The following TSHZ2 variants were observed in gnomAD, a reference collection of about 807,000 sequenced individuals.
TSHZ2 encodes the protein teashirt homolog 2.
TSHZ2 carries 21 observed loss-of-function variants against 74.4 expected under a neutral mutation model. The ratio of observed to expected loss-of-function variants is 0.28; its 90% CI spans 0.20 to 0.41. The LOEUF is 0.41. Among genes scored for constraint, TSHZ2 ranks in the 10% least tolerant of loss-of-function variants. The pLI, the probability that TSHZ2 is intolerant of heterozygous loss-of-function variation, is 1.00. For synonymous variants in TSHZ2, 540 were observed against 515.3 expected, an observed-to-expected ratio of 1.05 and a Z score of -0.65; for missense variants, 1,244 against 1,293.5, an observed-to-expected ratio of 0.96 and a Z score of 0.59.
At chr20:53,466,941 T>C (rs1218842477) in intron 2 of TSHZ2, among the ~76,000 whole-genome samples, 4 of 152,232 alleles carry the variant, frequency 2.6e-5, no homozygotes, top group Admixed American at 6.5e-5. Flanking sequence ...TAAATACTGG[T>C]TAGAGAACAG....
intron 2 of TSHZ2, among the ~76,000 whole-genome samples, chr20:53,348,610 A>G (rs1175248026): frequency 6.6e-6 from 1 of 152,136 alleles, no homozygotes; most frequent in African/African-American, 2.4e-5. Context: ...GAAATTTTGG[A>G]GGCGGGGAGG....
intron 2 of TSHZ2, among the ~76,000 whole-genome samples, chr20:53,385,578 C>T (rs1157248004): frequency 6.6e-6 from 1 of 152,152 alleles, no homozygotes; most frequent in Non-Finnish European, 1.5e-5. Flanking sequence ...CCTCATAATT[C>T]TTCCTTAAGA....
At chr20:52,980,721 A>G (rs1981532504) in intron 1 of TSHZ2, among the ~76,000 whole-genome samples, 1 of 152,230 alleles carries the variant, frequency 6.6e-6, no homozygotes, top group African/African-American at 2.4e-5. Context: ...AACTTCCGTA[A>G]TGCTTTACTG....
intron 2 of TSHZ2, among the ~76,000 whole-genome samples, chr20:53,277,362 T>C (rs1990967868): frequency 1.3e-5 from 2 of 152,134 alleles, no homozygotes; most frequent in Admixed American, 1.3e-4. Context: ...ACAAGAAATG[T>C]GGCTTCTCTG....
intron 1 of TSHZ2, among the ~76,000 whole-genome samples, chr20:53,176,542 T>C (rs1316116392): frequency 6.6e-6 from 1 of 152,176 alleles, no homozygotes; most frequent in Non-Finnish European, 1.5e-5. Flanking sequence ...ACAGCATTGA[T>C]TACTGGAGTT....
chr20:53,264,916 G>A (rs1038318982), intron 2 of TSHZ2, among the ~76,000 whole-genome samples: 3 of 152,288 alleles, frequency 2.0e-5, no homozygotes, highest in Admixed American at 6.5e-5. Flanking sequence ...CTCAGGGAAG[G>A]CCTCATTGGG....
intron 2 of TSHZ2, among the ~76,000 whole-genome samples, chr20:53,360,438 C>A (rs1481573152): frequency 2.0e-5 from 3 of 152,208 alleles, no homozygotes; most frequent in African/African-American, 7.2e-5. Flanking sequence ...CGAGCTTCTA[C>A]TCCATATGAA....
At position 53,251,308 on chromosome 20, in the gene TSHZ2, T is replaced by C. The variant is rs76145048; in HGVS notation, c.41-2191T>C. Among the ~76,000 whole-genome samples the C allele has an allele frequency of 6.8e-3, 1,041 of 152,364 alleles. 16 individuals carry two copies. Among genetic ancestry groups the C allele is most frequent in the African/African-American group, 0.024 (992 of 41,592 alleles). On this transcript the variant is annotated intron_variant, in intron 1 of 2. Transcript: ENST00000371497. ...TGATGAAATTTGTCTGATTCTCTGA[T>C]GTATGTTACTTGGCTCAGTAACAAC...
chr20:53,260,567 G>A (rs184584673), intron 2 of TSHZ2, among the ~76,000 whole-genome samples: 3 of 152,274 alleles, frequency 2.0e-5, no homozygotes, highest in Admixed American at 1.3e-4. Context: ...GGGGGAAGCC[G>A]GGATGGGGAA....
intron 2 of TSHZ2, among the ~76,000 whole-genome samples, chr20:53,347,989 T>TC (rs778240352): frequency 5.9e-5 from 9 of 152,084 alleles, no homozygotes; most frequent in Non-Finnish European, 8.8e-5. Flanking sequence ...CTTTCCCTCC[T>TC]CCCAGCCCCT....
intron 2 of TSHZ2, among the ~76,000 whole-genome samples, chr20:53,355,963 C>T (rs1487639741): frequency 2.0e-5 from 3 of 152,120 alleles, no homozygotes; most frequent in Non-Finnish European, 4.4e-5. Context: ...GCATGCATAA[C>T]AAACTAGTGG....
chr20:53,055,350 G>GA (rs1984605354), intron 1 of TSHZ2, among the ~76,000 whole-genome samples: 3 of 152,194 alleles, frequency 2.0e-5, no homozygotes, highest in African/African-American at 7.2e-5. Flanking sequence ...AGAGTTAGGA[G>GA]ACAGGACTGG....
At chr20:53,007,135 TC>T (rs1391943752) in intron 1 of TSHZ2, among the ~76,000 whole-genome samples, 2 of 152,160 alleles carry the variant, frequency 1.3e-5, no homozygotes, top group African/African-American at 4.8e-5. Context: ...AAGAAAGGCT[TC>T]CCTGAGGAGG....
At chr20:53,235,168 G>A (rs1167838172) in intron 1 of TSHZ2, among the ~76,000 whole-genome samples, 1 of 150,356 alleles carries the variant, frequency 6.7e-6, no homozygotes, top group East Asian at 2.0e-4. Flanking sequence ...GGGCGTGTTT[G>A]TTTGTTTGTT....
intron 1 of TSHZ2, among the ~76,000 whole-genome samples, chr20:53,035,888 C>G (rs1253082318): frequency 1.3e-5 from 2 of 152,116 alleles, no homozygotes; most frequent in Admixed American, 6.5e-5. Context: ...GATAGATATT[C>G]CTGACTGAAG....
intron 2 of TSHZ2, among the ~76,000 whole-genome samples, chr20:53,271,726 G>C (rs959087468): frequency 6.6e-6 from 1 of 152,244 alleles, no homozygotes; most frequent in South Asian, 2.1e-4. Flanking sequence ...GGAACGGCAA[G>C]AGTAAAGTCT....
chr20:53,024,069 G>A (rs1479345890), intron 1 of TSHZ2, among the ~76,000 whole-genome samples: 2 of 151,564 alleles, frequency 1.3e-5, no homozygotes, highest in African/African-American at 4.9e-5. Flanking sequence ...TAGTGTGGGT[G>A]GGAAGGAGAA....
chr20:53,483,923 A>G (rs1345658668), intron 2 of TSHZ2, among the ~76,000 whole-genome samples: 3 of 152,224 alleles, frequency 2.0e-5, no homozygotes, highest in Non-Finnish European at 2.9e-5. Context: ...CATGAAATTG[A>G]TATCATATTA....
At chr20:53,286,500 A>G (rs1991168841) in intron 2 of TSHZ2, among the ~76,000 whole-genome samples, 1 of 151,938 alleles carries the variant, frequency 6.6e-6, no homozygotes, top group African/African-American at 2.4e-5. Flanking sequence ...TGTCACCTTT[A>G]TTGTTTTTCT....
Sources: allele counts gnomAD v4.1 joint callset (sites outside exome capture counted in the v4.1 genomes callset), GRCh38; gene constraint gnomAD v4.1.1; transcripts MANE v1.5; gene names NCBI Gene and HGNC (gene_info 2026-07-23, HGNC 2026-07-21).